DOCK2: variants seen among roughly 807,000 people sequenced by gnomAD.
The protein encoded by DOCK2 is dedicator of cytokinesis 2, also known as dedicator of cytokinesis protein 2.
A neutral mutation model predicts 248.9 loss-of-function variants in DOCK2; 87 were observed. That is an observed-to-expected ratio of 0.35 (90% CI 0.29 to 0.42). DOCK2 has a LOEUF of 0.42. DOCK2 is among the 10% of genes least tolerant of loss of function. The probability of loss-of-function intolerance (pLI) is 1.00; values close to 1 mark genes in which losing one functional copy is unlikely to be tolerated. For missense variants in DOCK2, 1,747 were observed against 2,300.2 expected (o/e 0.76, Z 4.92); for synonymous variants, 805 against 821.6 (o/e 0.98, Z 0.35).
At chr5:169,841,718 A>G (rs907191013) in intron 27 of DOCK2, among the ~76,000 whole-genome samples, 1 of 152,174 alleles carries the variant, frequency 6.6e-6, no homozygotes, top group Non-Finnish European at 1.5e-5. Flanking sequence ...CCCTGTCTAC[A>G]ATTCCCAGTA....
intron 44 of DOCK2, among the ~76,000 whole-genome samples, chr5:170,066,671 A>T (rs547279693): frequency 6.6e-6 from 1 of 152,222 alleles, no homozygotes; most frequent in Non-Finnish European, 1.5e-5. Context: ...TAACAAATTT[A>T]AGATTTTTAT....
intron 27 of DOCK2, among the ~76,000 whole-genome samples, chr5:169,851,123 A>T (rs182447756): frequency 2.0e-5 from 3 of 152,298 alleles, no homozygotes; most frequent in African/African-American, 7.2e-5. Flanking sequence ...TGTAGCAGGC[A>T]CTCAATTCAA....
At chr5:169,893,042 T>C (rs971382372) in intron 27 of DOCK2, among the ~76,000 whole-genome samples, 5 of 152,196 alleles carry the variant, frequency 3.3e-5, no homozygotes, top group African/African-American at 4.8e-5. Context: ...TTTGTTCCTC[T>C]CTAGCCCCTT....
chr5:169,757,517 T>C (rs1172148937), intron 23 of DOCK2, among the ~76,000 whole-genome samples: 1 of 152,218 alleles, frequency 6.6e-6, no homozygotes, highest in African/African-American at 2.4e-5. Context: ...CTTTGGAATG[T>C]TGTTTTATCT....
chr5:170,080,313 G>A, intron 50 of DOCK2, 30 bp downstream of exon 50: 2 of 1,613,170 alleles, frequency 1.2e-6, no homozygotes, highest in Non-Finnish European at 1.7e-6. Context: ...CAGCATGAGG[G>A]AGTAGAGATA....
intron 14 of DOCK2, among the ~76,000 whole-genome samples, chr5:169,706,552 G>T (rs893040231): frequency 1.3e-5 from 2 of 152,176 alleles, no homozygotes; most frequent in East Asian, 1.9e-4. Context: ...AGGGCTTAGT[G>T]TGATGCTGGA....
intron 27 of DOCK2, among the ~76,000 whole-genome samples, chr5:169,953,512 G>A (rs1353162413): frequency 1.3e-5 from 2 of 152,126 alleles, no homozygotes; most frequent in Non-Finnish European, 2.9e-5. Flanking sequence ...ATGAGATTAA[G>A]TCCTGTATAA....
chr5:170,060,083 T>C (rs1471966692), intron 44 of DOCK2, among the ~76,000 whole-genome samples: 2 of 152,244 alleles, frequency 1.3e-5, no homozygotes, highest in Non-Finnish European at 2.9e-5. Flanking sequence ...TTATCATGAC[T>C]ACAGTAATGT....
intron 32 of DOCK2, among the ~76,000 whole-genome samples, chr5:170,018,246 GTGGTAA>G (rs1755603840): frequency 6.6e-6 from 1 of 152,196 alleles, no homozygotes; most frequent in Non-Finnish European, 1.5e-5. Flanking sequence ...GGGAGGCTGC[GTGGTAA>G]TGGGTATTGG....
intron 25 of DOCK2, among the ~76,000 whole-genome samples, chr5:169,774,173 G>A (rs1487557245): frequency 2.0e-5 from 3 of 152,156 alleles, no homozygotes; most frequent in Admixed American, 6.5e-5. Context: ...CGACAATACA[G>A]TTGAATTGAA....
chr5:170,027,621 G>T (rs889238953), intron 33 of DOCK2, among the ~76,000 whole-genome samples: 5 of 151,988 alleles, frequency 3.3e-5, no homozygotes. Context: ...CTGCACTCGC[G>T]CTCTCTCGCA....
intron 26 of DOCK2, among the ~76,000 whole-genome samples, chr5:169,833,494 T>A (rs1769363863): frequency 6.6e-6 from 1 of 152,048 alleles, no homozygotes; most frequent in South Asian, 2.1e-4. Context: ...AAACAAAGTT[T>A]CCGGAAATGG....
intron 33 of DOCK2, among the ~76,000 whole-genome samples, chr5:170,025,925 C>T (rs886661099): frequency 6.6e-6 from 1 of 151,468 alleles, no homozygotes; most frequent in Non-Finnish European, 1.5e-5. Context: ...TTTTTCTCCA[C>T]GTTCCCACCT....
intron 26 of DOCK2, among the ~76,000 whole-genome samples, chr5:169,820,243 G>A (rs534981029): frequency 6.6e-6 from 1 of 152,360 alleles, no homozygotes; most frequent in Admixed American, 6.5e-5. Flanking sequence ...AGACTTAAGT[G>A]TCCCTGTCTG....
intron 26 of DOCK2, among the ~76,000 whole-genome samples, chr5:169,823,421 C>T (rs55863128): frequency 1.3e-5 from 2 of 152,120 alleles, no homozygotes; most frequent in Admixed American, 6.5e-5. Flanking sequence ...GCTTATCCAC[C>T]GTGATCAAGT....
At chr5:169,894,635 C>T (rs970765187) in intron 27 of DOCK2, among the ~76,000 whole-genome samples, 1 of 152,152 alleles carries the variant, frequency 6.6e-6, no homozygotes, top group Admixed American at 6.5e-5. Context: ...TTTGCAAAAG[C>T]GCATGACTGC....
intron 40 of DOCK2, among the ~76,000 whole-genome samples, chr5:170,048,556 T>A (rs985061672): frequency 9.9e-5 from 15 of 152,232 alleles, no homozygotes; most frequent in African/African-American, 3.1e-4. Context: ...ATGTCTGACT[T>A]AAGAGAAGAC....
At chr5:169,954,066 C>T (rs979917242) in intron 27 of DOCK2, among the ~76,000 whole-genome samples, 1 of 152,248 alleles carries the variant, frequency 6.6e-6, no homozygotes, top group African/African-American at 2.4e-5. Context: ...ACCCTGAACA[C>T]TCTTCCTTTT....
intron 25 of DOCK2, 148 bp from the exon 26 acceptor site, chr5:169,802,910 A>G: frequency 1.9e-6 from 2 of 1,050,910 alleles, no homozygotes; most frequent in Non-Finnish European, 2.7e-6. Flanking sequence ...TTCTCAGGAA[A>G]TCTTAACCTA....
Sources: allele counts gnomAD v4.1 joint callset (sites outside exome capture counted in the v4.1 genomes callset), GRCh38; gene constraint gnomAD v4.1.1; transcripts MANE v1.5; gene names NCBI Gene and HGNC (gene_info 2026-07-23, HGNC 2026-07-21).